Variants in SGCZ observed in about 807,000 individuals in gnomAD.
SGCZ encodes zeta-sarcoglycan.
A neutral mutation model predicts 41.3 loss-of-function variants in SGCZ; 40 were observed. That is an observed-to-expected ratio of 0.97 (90% CI 0.75 to 1.26). The LOEUF (loss-of-function observed/expected upper bound fraction) is 1.26. SGCZ is among the 50% of genes most tolerant of loss of function. SGCZ has a pLI of 0.00. For missense variants in SGCZ, 552 were observed against 369.8 expected (o/e 1.49, Z -4.04); for synonymous variants, 206 against 137.5 (o/e 1.50, Z -3.49).
At chr8:14,823,229 C>G (rs1029182096) in intron 1 of SGCZ, among the ~76,000 whole-genome samples, 3 of 151,774 alleles carry the variant, frequency 2.0e-5, no homozygotes, top group East Asian at 1.9e-4. Flanking sequence ...AATATACAAA[C>G]AGAATTACAT....
intron 2 of SGCZ, among the ~76,000 whole-genome samples, chr8:14,449,251 A>G (rs969914300): frequency 3.3e-5 from 5 of 152,186 alleles, no homozygotes; most frequent in East Asian, 1.9e-4. Context: ...TACTTGTTCT[A>G]TTTCTAAACA....
At chr8:15,039,943 TAGC>T (rs1405905613) in intron 1 of SGCZ, among the ~76,000 whole-genome samples, 5 of 152,216 alleles carry the variant, frequency 3.3e-5, no homozygotes, top group Non-Finnish European at 5.9e-5. Flanking sequence ...TGACTTAAAG[TAGC>T]AGGGAATTTA....
chr8:14,831,635 T>TGTGC (rs1274604581), intron 1 of SGCZ, among the ~76,000 whole-genome samples: 1 of 151,058 alleles, frequency 6.6e-6, no homozygotes, highest in Non-Finnish European at 1.5e-5. Flanking sequence ...GACACATATG[T>TGTGC]GTGTGTGTGT....
chr8:15,148,256 T>C (rs1369647159), intron 1 of SGCZ, among the ~76,000 whole-genome samples: 1 of 152,182 alleles, frequency 6.6e-6, no homozygotes, highest in Non-Finnish European at 1.5e-5. Flanking sequence ...GAGTCAATAT[T>C]GGGGAAATAG....
intron 2 of SGCZ, among the ~76,000 whole-genome samples, chr8:14,517,335 C>G (rs1168715544): frequency 6.6e-6 from 1 of 152,082 alleles, no homozygotes; most frequent in Non-Finnish European, 1.5e-5. Context: ...TACATGATCT[C>G]TTTCATTTTA....
At chr8:14,800,160 T>A (rs1801274198) in intron 1 of SGCZ, among the ~76,000 whole-genome samples, 1 of 33,072 alleles carries the variant, frequency 3.0e-5, no homozygotes, top group African/African-American at 1.0e-4. Context: ...TTTGCCTCCT[T>A]TTTTTCATGG....
At chr8:14,286,682 T>C (rs1223448712) in intron 3 of SGCZ, among the ~76,000 whole-genome samples, 1 of 152,188 alleles carries the variant, frequency 6.6e-6, no homozygotes, top group Non-Finnish European at 1.5e-5. Context: ...CCTAATTGTA[T>C]GTTATTTTCA....
intron 1 of SGCZ, among the ~76,000 whole-genome samples, chr8:15,135,743 G>T (rs367995275): frequency 1.3e-5 from 2 of 152,064 alleles, no homozygotes; most frequent in African/African-American, 2.4e-5. Context: ...GGCCTGGGAT[G>T]GTTCTTGGCC....
chr8:14,639,240 A>G (rs1185811459), intron 1 of SGCZ, among the ~76,000 whole-genome samples: 1 of 151,558 alleles, frequency 6.6e-6, no homozygotes, highest in Non-Finnish European at 1.5e-5. Context: ...TAGGAGAGGC[A>G]GCAATCCACT....
intron 1 of SGCZ, among the ~76,000 whole-genome samples, chr8:15,003,524 T>C (rs961409863): frequency 1.3e-5 from 2 of 152,114 alleles, no homozygotes; most frequent in African/African-American, 4.8e-5. Context: ...CACTGCAAAA[T>C]AAGTTAGTCA....
intron 4 of SGCZ, among the ~76,000 whole-genome samples, chr8:14,174,395 G>A (rs1804480357): frequency 6.6e-6 from 1 of 152,072 alleles, no homozygotes; most frequent in Admixed American, 6.6e-5. Context: ...AAGAAAATGT[G>A]TTCAACAACT....
At chr8:14,143,867 T>C (rs989321801) in intron 5 of SGCZ, among the ~76,000 whole-genome samples, 6 of 152,132 alleles carry the variant, frequency 3.9e-5, no homozygotes, top group African/African-American at 1.2e-4. Context: ...TTGTGAGGCA[T>C]TGGACTCAGT....
At chr8:14,244,865 G>C (rs1799029230) in intron 3 of SGCZ, among the ~76,000 whole-genome samples, 1 of 152,024 alleles carries the variant, frequency 6.6e-6, no homozygotes, top group Admixed American at 6.6e-5. Context: ...ATTGTGAATG[G>C]GAGTTGACTC....
chr8:14,815,397 A>C (rs1375936578), intron 1 of SGCZ, among the ~76,000 whole-genome samples: 1 of 138,148 alleles, frequency 7.2e-6, no homozygotes, highest in South Asian at 2.2e-4. Flanking sequence ...TTTTTTTTGC[A>C]TGTGGTTCAT....
rs147127521 is a variant in SGCZ at position 15,012,101 on chromosome 8, G to C, written c.39+225484C>G. Reference sequence around the variant, plus strand: ...CCATCTTTGTCCTTATTAATGAATTGAACAATATTTTCTGATTATACTGTA... The same window carrying C: ...CCATCTTTGTCCTTATTAATGAATTCAACAATATTTTCTGATTATACTGTA... On this transcript the variant is annotated intron_variant, in intron 1 of 7. Transcript: ENST00000382080. 1.9e-4 allele frequency among the ~76,000 whole-genome samples: 29 copies of C among 152,066 alleles called. No individual in the cohort carries two copies. The East Asian group carries it at 4.8e-3, about 25-fold the overall frequency.
chr8:15,181,557 A>G (rs1800180822), intron 1 of SGCZ, among the ~76,000 whole-genome samples: 1 of 152,188 alleles, frequency 6.6e-6, no homozygotes, highest in South Asian at 2.1e-4. Context: ...TGTAGTGTCA[A>G]GCAAATAAGT....
At chr8:14,916,982 G>T (rs899399782) in intron 1 of SGCZ, among the ~76,000 whole-genome samples, 3 of 152,040 alleles carry the variant, frequency 2.0e-5, no homozygotes, top group African/African-American at 7.2e-5. Context: ...AGCATAATAT[G>T]AATATGACTT....
intron 2 of SGCZ, among the ~76,000 whole-genome samples, chr8:14,529,616 T>G (rs1803063174): frequency 6.6e-6 from 1 of 152,162 alleles, no homozygotes; most frequent in Non-Finnish European, 1.5e-5. Flanking sequence ...TTTATGTTAA[T>G]GTACCCATAT....
At position 14,090,006 on chromosome 8, in the gene SGCZ, A is replaced by G. The variant is rs17118615; in HGVS notation, c.*437T>C. ...TAAAAGTTTACATCCAAAAAGATGA[A>G]TGGAAAATTGTGCTTTCAGAATGTA... On this transcript the variant is annotated 3_prime_UTR_variant, in exon 8 of 8. Transcript: ENST00000382080. The G allele has an allele frequency of 0.14, 21,084 of 153,186 alleles. 1,534 individuals are homozygous for G. Among genetic ancestry groups the G allele is most frequent in the African/African-American group, 0.19 (7,730 of 41,536 alleles). 9.5% of individuals were successfully genotyped at this position (153,186 alleles called of 1,614,324 possible).
Sources: allele counts gnomAD v4.1 joint callset (sites outside exome capture counted in the v4.1 genomes callset), GRCh38; gene constraint gnomAD v4.1.1; transcripts MANE v1.5; gene names NCBI Gene and HGNC (gene_info 2026-07-23, HGNC 2026-07-21).